The following FGFR1 variants were observed in gnomAD, a reference collection of about 807,000 sequenced individuals.
FGFR1 encodes fibroblast growth factor receptor 1, also known as FGFR1/PLAG1 fusion.
In FGFR1, 18 loss-of-function variants were observed where a neutral mutation model predicts 93.7. That is an observed-to-expected ratio of 0.19 (90% confidence interval 0.13 to 0.28). The LOEUF (loss-of-function observed/expected upper bound fraction) is 0.28. FGFR1 is among the 10% of genes least tolerant of loss of function. The pLI, the probability that FGFR1 is intolerant of heterozygous loss-of-function variation, is 1.00. For missense variants in FGFR1, 731 were observed against 1,080.4 expected (o/e 0.68, Z 4.53); for synonymous variants, 448 against 429.3 (o/e 1.04, Z -0.54).
At chr8:38,414,063 T>C (rs1183267490) in intron 16 of FGFR1, 40 bp from the exon 17 acceptor site, 1 of 1,613,734 alleles carries the variant, frequency 6.2e-7, no homozygotes, top group East Asian at 2.2e-5. Flanking sequence ...CTCCTGGAGA[T>C]GGATACTCTC....
In FGFR1 at chr8:38,426,306, A is replaced by T; in HGVS notation, c.622-61T>A. 1 of 1,609,034 alleles carries T rather than the reference A, an allele frequency of 6.2e-7. No individual in the cohort carries two copies. The highest frequency in any genetic ancestry group is 8.5e-7 in the Non-Finnish European group (1 of 1,178,852). On this transcript the variant is annotated intron_variant, in intron 5 of 17. Coordinates refer to ENST00000447712, the MANE Select transcript of FGFR1 (RefSeq NM_023110.3). The surrounding 1 kb of genome is among the most constrained non-coding windows in gnomAD (Gnocchi z 4.1). ...CAGAGGAAAATGCAGGCCCCATGAC[A>T]ATGTCGGCACCCCGTGGCACCTGCC...
intron 3 of FGFR1, chr8:38,428,722 G>C (rs985312929): frequency 2.2e-6 from 1 of 461,720 alleles, no homozygotes; most frequent in East Asian, 4.1e-5. Flanking sequence ...ACATTCAAAG[G>C]CGCTTTCTCA....
At position 38,413,538 on chromosome 8, in the gene FGFR1, G is replaced by T. The variant is rs1005161911; in HGVS notation, c.*90C>A. 1.2e-5 allele frequency: 17 copies of T among 1,421,198 alleles called. No homozygotes were observed. The African/African-American group carries it at 2.4e-4, about 20-fold the overall frequency. The allele number at this position is 1,421,198 out of a possible 1,614,324, so 88.0% of individuals were successfully genotyped here. On this transcript the variant is annotated 3_prime_UTR_variant, in exon 18 of 18. Transcript: ENST00000447712. This position sits in a 1 kb window ranked among gnomAD's most constrained non-coding sequence, Gnocchi z 4.2. ...GCCGGCTCCTGCCAGCAGGAAAGGGGACAGGGACGGACAGGTGGTGGGCCC... is the reference window on the plus strand; with the variant it reads ...GCCGGCTCCTGCCAGCAGGAAAGGGTACAGGGACGGACAGGTGGTGGGCCC...
intron 2 of FGFR1, among the ~76,000 whole-genome samples, chr8:38,449,492 T>A (rs918827154): frequency 5.3e-5 from 8 of 152,256 alleles, no homozygotes; most frequent in African/African-American, 1.7e-4. Context: ...CAATGTTCAC[T>A]GTTGGTTAAC....
intron 1 of FGFR1, chr8:38,460,972 G>T (rs531467717): frequency 1.6e-6 from 2 of 1,261,588 alleles, no homozygotes; most frequent in African/African-American, 1.5e-5. Flanking sequence ...GGTTCCCCCC[G>T]CCCCGTCTCT....
At chr8:38,430,101 T>G in intron 2 of FGFR1, 153 bp from the exon 3 acceptor site, 1 of 750,218 alleles carries the variant, frequency 1.3e-6, no homozygotes, top group Non-Finnish European at 2.1e-6. Context: ...GCCAGGGCAG[T>G]GGGAATTGGA....
In FGFR1 at chr8:38,418,273, T is replaced by A. The variant is rs367955950; in HGVS notation, c.1385A>T (p.Glu462Val). 1 of 1,614,216 alleles carries A rather than the reference T, an allele frequency of 6.2e-7. No homozygotes were observed. Among genetic ancestry groups the A allele is most frequent in the Non-Finnish European group, 8.5e-7 (1 of 1,180,040 alleles). ...GCGAGGGTCTTCGGGAAGCTCATAC[T>A]CAGAGACCCCTGCTAGCATGGGAGT... ...SGTPMLAGVS[E>V]YELPEDPRWE... Residue 462 changes from glutamate (E) to valine (V), a missense_variant, in exon 10 of 18, where the codon GAG (glutamate) becomes GTG (valine). Coordinates refer to ENST00000447712, the MANE Select transcript of FGFR1 (RefSeq NM_023110.3).
intron 1 of FGFR1, chr8:38,459,090 T>TC: frequency 4.4e-6 from 1 of 228,988 alleles, no homozygotes; most frequent in Non-Finnish European, 8.7e-6. Context: ...AACTTAAAAC[T>TC]CCCCAGGGTC....
intron 2 of FGFR1, chr8:38,434,576 C>T (rs1233373302): frequency 3.8e-6 from 1 of 265,294 alleles, no homozygotes; most frequent in Non-Finnish European, 7.6e-6. Flanking sequence ...TCTTGGCAGG[C>T]ATTCAAACTG....
At chr8:38,422,151 C>G (rs1414616170) in intron 7 of FGFR1, 3 of 595,034 alleles carry the variant, frequency 5.0e-6, no homozygotes, top group Non-Finnish European at 9.0e-6. Flanking sequence ...CTCCGGCAGA[C>G]CTGAGAAGAC....
Position 38,429,384 on chromosome 8 carries a change from G to A in FGFR1, c.358+298C>T, listed in dbSNP as rs368419858. ...GCACCACTTAGCCTCCTGGAGATCTGGGCAAGCTGTGGTGGAAAAAAATCA... is the reference window on the plus strand; with the variant it reads ...GCACCACTTAGCCTCCTGGAGATCTAGGCAAGCTGTGGTGGAAAAAAATCA... On this transcript the variant is annotated intron_variant, in intron 3 of 17. Transcript: ENST00000447712. The surrounding 1 kb of genome is among the most constrained non-coding windows in gnomAD (Gnocchi z 4.4). 702 of 672,716 alleles carry A rather than the reference G, an allele frequency of 1.0e-3. 4 individuals are homozygous for A. In the African/African-American group the frequency reaches 0.011, roughly 11 times the overall value. 41.7% of individuals were successfully genotyped at this position (672,716 alleles called of 1,614,324 possible).
intron 1 of FGFR1, chr8:38,461,216 G>A: frequency 1.5e-6 from 2 of 1,343,070 alleles, no homozygotes; most frequent in South Asian, 1.3e-5. Flanking sequence ...TGAGATAGCA[G>A]GGGCTGGACG....
chr8:38,446,442 C>T (rs966033565), intron 2 of FGFR1, among the ~76,000 whole-genome samples: 1 of 151,836 alleles, frequency 6.6e-6, no homozygotes, highest in Non-Finnish European at 1.5e-5. Flanking sequence ...AACTCCTGAG[C>T]TCAGGCAATC....
chr8:38,431,372 G>A (rs879381659), intron 2 of FGFR1, among the ~76,000 whole-genome samples: 3 of 152,184 alleles, frequency 2.0e-5, no homozygotes, highest in Admixed American at 1.3e-4. Context: ...ACCTGAGTGC[G>A]GTGATGTGTC....
Position 38,429,910 on chromosome 8 carries a change from G to A in FGFR1, c.130C>T (p.Leu44=), listed in dbSNP as rs748348504. The stretch of plus-strand genomic sequence containing the variant: ...TGCAGCAGGTCACCGGGGTGGACCA[G>A]GAAGGACTCCACTTCCACAGGGGCT... ...WGAPVEVESF[L]VHPGDLLQLR... is the part of the protein sequence containing the mutation. The change falls in exon 3 of 18, where the codon CTG becomes TTG. Residue 44 remains leucine, a synonymous_variant. Transcript: ENST00000447712. This position sits in a 1 kb window ranked among gnomAD's most constrained non-coding sequence, Gnocchi z 4.4. 3 of 1,613,378 alleles carry A rather than the reference G, an allele frequency of 1.9e-6. No individual in the cohort carries two copies. In the African/African-American group the frequency reaches 4.0e-5, roughly 22 times the overall value.
At chr8:38,428,971 C>T in intron 3 of FGFR1, 1 of 303,926 alleles carries the variant, frequency 3.3e-6, no homozygotes, top group South Asian at 3.0e-5. Flanking sequence ...CAACACCTCT[C>T]CCCAATAAGT....
At chr8:38,430,530 C>T (rs1207450005) in intron 2 of FGFR1, 1 of 153,834 alleles carries the variant, frequency 6.5e-6, no homozygotes, top group African/African-American at 2.4e-5. Flanking sequence ...CTCGACGCGT[C>T]AGATGCACAT....
chr8:38,446,755 A>C (rs1829422259), intron 2 of FGFR1, among the ~76,000 whole-genome samples: 1 of 152,072 alleles, frequency 6.6e-6, no homozygotes, highest in African/African-American at 2.4e-5. Flanking sequence ...AAAAAATGTT[A>C]ATGTCCCAGC....
At chr8:38,416,432 G>T (rs1206570289) in intron 12 of FGFR1, among the ~76,000 whole-genome samples, 2 of 145,026 alleles carry the variant, frequency 1.4e-5, no homozygotes, top group African/African-American at 5.1e-5. Context: ...TTACAGGCAT[G>T]AACAATGCCT....
Sources: gnomAD v4.1 joint callset for allele counts (sites outside exome capture counted in the v4.1 genomes callset) on GRCh38, gnomAD v4.1.1 for gene constraint, Gnocchi (gnomAD v3.1) non-coding constraint, MANE v1.5 for transcripts, NCBI Gene and HGNC (gene_info 2026-07-23, HGNC 2026-07-21) for gene names.